GPC5: variants seen among roughly 807,000 people sequenced by gnomAD.
GPC5 encodes glypican 5, also known as glypican-5.
Under a neutral mutation model 53.9 loss-of-function variants are expected in GPC5, and 47 were observed. The ratio of observed to expected loss-of-function variants is 0.87; its 90% CI spans 0.69 to 1.11. The LOEUF (loss-of-function observed/expected upper bound fraction) is 1.11, where lower values mean the gene tolerates loss of function less well. Among genes scored for constraint, GPC5 ranks in the 50% most tolerant of loss-of-function variants. GPC5 has a pLI of 0.00. For missense variants in GPC5, 748 were observed against 713.1 expected (o/e 1.05, Z -0.56); for synonymous variants, 286 against 263.3 (o/e 1.09, Z -0.84).
At chr13:92,832,742 T>A (rs1878088851) in intron 7 of GPC5, among the ~76,000 whole-genome samples, 1 of 152,144 alleles carries the variant, frequency 6.6e-6, no homozygotes, top group South Asian at 2.1e-4. Flanking sequence ...GCATGGTGGC[T>A]CACACCTGTA....
chr13:91,633,590 GT>G (rs1296195274), intron 2 of GPC5, among the ~76,000 whole-genome samples: 1 of 152,130 alleles, frequency 6.6e-6, no homozygotes, highest in Non-Finnish European at 1.5e-5. Flanking sequence ...TCAGGTTGGA[GT>G]TTCTGAAAAA....
At chr13:92,450,637 G>T (rs1023908549) in intron 7 of GPC5, among the ~76,000 whole-genome samples, 3 of 152,184 alleles carry the variant, frequency 2.0e-5, no homozygotes, top group Non-Finnish European at 4.4e-5. Flanking sequence ...GCTGGTTGAT[G>T]TTATAACCTA....
chr13:91,607,757 C>T lies in GPC5; in HGVS notation c.326-85430C>T, dbSNP rs186471236. 6.0e-4 allele frequency among the ~76,000 whole-genome samples: 92 copies of T among 152,266 alleles called. 1 individual carries two copies. The highest frequency in any genetic ancestry group is 8.4e-4 in the Non-Finnish European group (57 of 68,026). On this transcript the variant is annotated intron_variant, in intron 2 of 7. Transcript: ENST00000377067. ...TGGGAAGTTTTCCCTGAAAGACAAT[C>T]ACATGGAGGAAATCCACAGTTCATG...
At chr13:91,676,878 G>A (rs2035396315) in intron 2 of GPC5, among the ~76,000 whole-genome samples, 3 of 152,188 alleles carry the variant, frequency 2.0e-5, no homozygotes, top group Admixed American at 2.0e-4. Context: ...CGAGGATTAG[G>A]TAGGGTAGGG....
At chr13:92,028,198 G>A (rs965216377) in intron 6 of GPC5, among the ~76,000 whole-genome samples, 5 of 152,028 alleles carry the variant, frequency 3.3e-5, no homozygotes, top group African/African-American at 9.7e-5. Context: ...CTGCTTGCAC[G>A]GGAGGGGGAA....
intron 2 of GPC5, among the ~76,000 whole-genome samples, chr13:91,549,066 C>T (rs948233749): frequency 6.6e-6 from 1 of 151,976 alleles, no homozygotes; most frequent in East Asian, 1.9e-4. Context: ...GTCAAGAGTT[C>T]GAGACCAGCC....
chr13:92,599,323 C>T (rs551330244), intron 7 of GPC5, among the ~76,000 whole-genome samples: 1 of 152,218 alleles, frequency 6.6e-6, no homozygotes, highest in East Asian at 1.9e-4. Context: ...GATGCCTATG[C>T]TAAAATTTGG....
intron 4 of GPC5, among the ~76,000 whole-genome samples, chr13:91,732,618 A>G (rs910647145): frequency 6.6e-6 from 1 of 151,968 alleles, no homozygotes; most frequent in Non-Finnish European, 1.5e-5. Flanking sequence ...CCTGAATGGT[A>G]TTGCCTAGGT....
intron 7 of GPC5, among the ~76,000 whole-genome samples, chr13:92,283,566 C>T (rs188132385): frequency 3.3e-5 from 5 of 152,182 alleles, no homozygotes; most frequent in Non-Finnish European, 7.3e-5. Flanking sequence ...TGCAATCAGA[C>T]TAGAACTCAG....
At chr13:91,940,662 A>G (rs1377438525) in intron 6 of GPC5, among the ~76,000 whole-genome samples, 1 of 151,892 alleles carries the variant, frequency 6.6e-6, no homozygotes, top group Admixed American at 6.6e-5. Flanking sequence ...ATCTGTTGTT[A>G]TTTGACTTTT....
In GPC5 at chr13:92,650,032, G is replaced by C. The variant is rs78107900; in HGVS notation, c.1562-216250G>C. 6.0e-3 allele frequency among the ~76,000 whole-genome samples: 917 copies of C among 152,168 alleles called. 12 individuals are homozygous for C. The highest frequency in any genetic ancestry group is 0.021 in the African/African-American group (869 of 41,524). ...ATAAAGACTCAATGTTGATTTGAGG[G>C]ATTTTTGTTGTTGTTTCTCATCATA... On this transcript the variant is annotated intron_variant, in intron 7 of 7. Coordinates refer to ENST00000377067, the MANE Select transcript of GPC5 (RefSeq NM_004466.6).
At position 92,493,161 on chromosome 13, in the gene GPC5, T is replaced by C. The variant is rs116512218; in HGVS notation, c.1561+348172T>C. 4.4e-3 allele frequency among the ~76,000 whole-genome samples: 673 copies of C among 152,316 alleles called. 6 individuals carry two copies. The highest frequency in any genetic ancestry group is 0.015 in the African/African-American group (620 of 41,572). On this transcript the variant is annotated intron_variant, in intron 7 of 7. Transcript: ENST00000377067. ...AGAAATTATGTTTTAAAAATTCTCA[T>C]CTGCATGAGATATGTTTGAATCTCA...
At chr13:92,092,216 C>A (rs1031595547) in intron 6 of GPC5, among the ~76,000 whole-genome samples, 1 of 152,286 alleles carries the variant, frequency 6.6e-6, no homozygotes, top group African/African-American at 2.4e-5. Flanking sequence ...ACTGCATACA[C>A]CTTAGGCTCT....
intron 6 of GPC5, among the ~76,000 whole-genome samples, chr13:91,931,554 A>AAACAGC (rs2039821887): frequency 6.6e-6 from 1 of 152,002 alleles, no homozygotes; most frequent in Non-Finnish European, 1.5e-5. Context: ...CTGTGTTAGT[A>AAACAGC]AACAGCAACA....
In GPC5 at chr13:92,570,898, T is replaced by C. The variant is rs1883002583; in HGVS notation, c.1562-295384T>C. 1.3e-5 allele frequency among the ~76,000 whole-genome samples: 2 copies of C among 152,204 alleles called. 1 individual carries two copies. Among genetic ancestry groups the C allele is most frequent in the Non-Finnish European group, 2.9e-5 (2 of 68,032 alleles). ...AAATATCATCTTAATTTTACCAATA[T>C]GGAAGCTGAAGCTCTGTGCAATAAA... is the stretch of plus-strand genomic sequence containing the variant. On this transcript the variant is annotated intron_variant, in intron 7 of 7. Transcript: ENST00000377067.
intron 2 of GPC5, among the ~76,000 whole-genome samples, chr13:91,453,050 T>TGAGTAC (rs71113740): frequency 2.6e-3 from 56 of 21,868 alleles, no homozygotes; most frequent in African/African-American, 0.016. Flanking sequence ...TGCTAGAGTC[T>TGAGTAC]AAGTGACATT....
At position 92,812,208 on chromosome 13, in the gene GPC5, G is replaced by T. The variant is rs1196353595; in HGVS notation, c.1562-54074G>T. Among the ~76,000 whole-genome samples the T allele has an allele frequency of 2.6e-5, 4 of 152,042 alleles. No individual in the cohort carries two copies. In the South Asian group the frequency reaches 6.2e-4, roughly 24 times the overall value. ...CATCTTTGCAGTATTAAGTGTTCCT[G>T]TCAGGAGCACAAGTTTTCTTTTAAC... On this transcript the variant is annotated intron_variant, in intron 7 of 7. Transcript: ENST00000377067.
intron 7 of GPC5, among the ~76,000 whole-genome samples, chr13:92,491,452 T>C (rs1217533065): frequency 4.6e-5 from 7 of 152,124 alleles, no homozygotes; most frequent in Admixed American, 3.9e-4. Context: ...AGATGGGTAG[T>C]TTTTGTTTTG....
intron 6 of GPC5, among the ~76,000 whole-genome samples, chr13:92,042,510 T>A (rs531566138): frequency 1.3e-5 from 2 of 151,922 alleles, no homozygotes; most frequent in South Asian, 4.2e-4. Flanking sequence ...AAAAAAAATC[T>A]GAGCAGCAAC....
Sources: gnomAD v4.1 joint callset for allele counts (sites outside exome capture counted in the v4.1 genomes callset) on GRCh38, gnomAD v4.1.1 for gene constraint, MANE v1.5 for transcripts, NCBI Gene and HGNC (gene_info 2026-07-23, HGNC 2026-07-21) for gene names.